Variants in CES5A observed in about 807,000 individuals in gnomAD.
CES5A encodes carboxylesterase 5.
Under a neutral mutation model 62.9 loss-of-function variants are expected in CES5A, and 67 were observed. That is an observed-to-expected ratio of 1.07 (90% CI 0.88 to 1.31). The LOEUF is 1.31. Ranked by LOEUF, CES5A falls within the 50% of genes most tolerant of loss-of-function variation. CES5A has a pLI of 0.00. For synonymous variants in CES5A, 296 were observed against 280.8 expected, an observed-to-expected ratio of 1.05 and a Z score of -0.54; for missense variants, 748 against 708.5, an observed-to-expected ratio of 1.06 and a Z score of -0.63.
At chr16:55,912,132 G>A (rs187430951) in intron 1 of CES5A, among the ~76,000 whole-genome samples, 102 of 152,116 alleles carry the variant, frequency 6.7e-4, no homozygotes, top group Non-Finnish European at 1.1e-3. Flanking sequence ...CCTGACTGTC[G>A]GCATGCAGGC....
chr16:55,932,714 G>A (rs1386566777), intron 2 of CES5A, among the ~76,000 whole-genome samples: 1 of 152,200 alleles, frequency 6.6e-6, no homozygotes. Context: ...CAAAAAGAAA[G>A]AGCTTGTTGA....
chr16:55,946,875 G>A (rs1387866796), intron 2 of CES5A, among the ~76,000 whole-genome samples: 1 of 152,180 alleles, frequency 6.6e-6, no homozygotes, highest in East Asian at 1.9e-4. Context: ...GCCAAGACGT[G>A]TTTCTCTTAT....
chr16:55,873,349 GCAC>G (rs2033631369), intron 2 of CES5A, among the ~76,000 whole-genome samples: 1 of 152,018 alleles, frequency 6.6e-6, no homozygotes, highest in African/African-American at 2.4e-5. Context: ...ATTGCATCAG[GCAC>G]CGTTTTGACA....
intron 3 of CES5A, among the ~76,000 whole-genome samples, chr16:55,871,405 A>G (rs561362510): frequency 6.6e-6 from 1 of 152,366 alleles, no homozygotes; most frequent in South Asian, 2.1e-4. Flanking sequence ...ACAAAACAAA[A>G]TAAAAATTAA....
At chr16:55,904,484 A>G (rs994244181) in intron 1 of CES5A, among the ~76,000 whole-genome samples, 8 of 152,156 alleles carry the variant, frequency 5.3e-5, no homozygotes, top group African/African-American at 9.7e-5. Context: ...CCAACTATAG[A>G]TTCACTCCGA....
At chr16:55,852,340 C>T (rs1481717795) in intron 10 of CES5A, among the ~76,000 whole-genome samples, 4 of 152,162 alleles carry the variant, frequency 2.6e-5, no homozygotes, top group Non-Finnish European at 4.4e-5. Flanking sequence ...GAAGAAGATA[C>T]TCTGCATGAT....
intron 1 of CES5A, among the ~76,000 whole-genome samples, chr16:55,895,672 A>T (rs1171514006): frequency 1.3e-5 from 2 of 152,210 alleles, no homozygotes; most frequent in East Asian, 3.8e-4. Context: ...GGATTTAAAA[A>T]TTTGCGCTAG....
chr16:55,949,217 G>A (rs759064217), intron 2 of CES5A, among the ~76,000 whole-genome samples: 10 of 149,416 alleles, frequency 6.7e-5, no homozygotes, highest in Non-Finnish European at 1.3e-4. Flanking sequence ...CACTGCCAGC[G>A]TAATGAAGGG....
At chr16:55,848,414 C>T (rs1408180233) in intron 11 of CES5A, among the ~76,000 whole-genome samples, 2 of 152,126 alleles carry the variant, frequency 1.3e-5, no homozygotes, top group South Asian at 2.1e-4. Context: ...CCACCATGCC[C>T]GGCCTTACAT....
At chr16:55,924,342 T>C (rs2034238297) in intron 1 of CES5A, among the ~76,000 whole-genome samples, 1 of 151,804 alleles carries the variant, frequency 6.6e-6, no homozygotes, top group East Asian at 1.9e-4. Context: ...GAATATAAAA[T>C]ACCTAGTAAT....
At chr16:55,869,963 AC>A (rs1230535778) in intron 3 of CES5A, among the ~76,000 whole-genome samples, 1 of 152,216 alleles carries the variant, frequency 6.6e-6, no homozygotes, top group Non-Finnish European at 1.5e-5. Context: ...TAGCTGTGTG[AC>A]CTTGGAAAGA....
At chr16:55,947,324 T>A (rs2034507317) in intron 2 of CES5A, among the ~76,000 whole-genome samples, 1 of 152,110 alleles carries the variant, frequency 6.6e-6, no homozygotes, top group South Asian at 2.1e-4. Context: ...TTATGGAAGG[T>A]CATTAGGCAA....
chr16:55,948,549 C>A lies in CES5A; in HGVS notation c.160+1236G>T, dbSNP rs551231590. Among the ~76,000 whole-genome samples, 4 of 152,030 alleles carry A rather than the reference C, an allele frequency of 2.6e-5. No homozygotes were observed. The South Asian group carries it at 8.3e-4, about 32-fold the overall frequency. Reference sequence around the variant, plus strand: ...TTTACATTGTCAGGGTGAGGGAGGCCCCCTGGGGAAATTTGTGGCCTTCTA... The same window carrying A: ...TTTACATTGTCAGGGTGAGGGAGGCACCCTGGGGAAATTTGTGGCCTTCTA... On this transcript the variant is annotated intron_variant, in intron 2 of 13. Coordinates refer to the CES5A transcript ENST00000521992.
At chr16:55,947,240 G>T (rs2034504792) in intron 2 of CES5A, among the ~76,000 whole-genome samples, 1 of 152,198 alleles carries the variant, frequency 6.6e-6, no homozygotes, top group South Asian at 2.1e-4. Context: ...CAAAAGATCA[G>T]ATGGAGAAGA....
chr16:55,849,133 A>G (rs538791723), intron 11 of CES5A, among the ~76,000 whole-genome samples: 2 of 152,330 alleles, frequency 1.3e-5, no homozygotes, highest in East Asian at 3.9e-4. Flanking sequence ...GGCACCAAAT[A>G]TGTCATAAAC....
intron 2 of CES5A, 24 bp downstream of exon 2, chr16:55,873,809 C>G (rs745909038): frequency 7.3e-5 from 117 of 1,598,604 alleles, no homozygotes; most frequent in Non-Finnish European, 9.8e-5. Context: ...CACAAACCAC[C>G]CGTGGGCCCG....
rs1457680656 is a variant in CES5A, at chr16:55,846,529, G to C, written c.1650C>G (p.Ser550=). ...TSTIPLILSA[S]DMLHSPLSSL... The stretch of plus-strand genomic sequence containing the variant: ...AAGAAAGAGGACTGTGGAGCATGTC[G>C]GAGGCAGACAGGATCAGGGGGATGG... The change falls in exon 13 of 13, where the codon TCC becomes TCG. Residue 550 remains serine, a synonymous_variant. Coordinates refer to ENST00000290567, the MANE Select transcript of CES5A (RefSeq NM_001143685.2). 2 of 1,614,138 alleles carry C rather than the reference G, an allele frequency of 1.2e-6. No homozygotes were observed. Among genetic ancestry groups the C allele is most frequent in the Non-Finnish European group, 1.7e-6 (2 of 1,180,020 alleles).
At chr16:55,941,722 A>G (rs1420293698) in intron 2 of CES5A, among the ~76,000 whole-genome samples, 12 of 152,100 alleles carry the variant, frequency 7.9e-5, no homozygotes, top group African/African-American at 2.9e-4. Flanking sequence ...ATGATTTCCT[A>G]TAAAGCTTCA....
intron 1 of CES5A, among the ~76,000 whole-genome samples, chr16:55,896,413 C>G (rs2033935074): frequency 6.6e-6 from 1 of 152,246 alleles, no homozygotes; most frequent in Non-Finnish European, 1.5e-5. Flanking sequence ...TACATGCCTG[C>G]TCCTTTTCCA....
Sources: gnomAD v4.1 joint callset for allele counts (sites outside exome capture counted in the v4.1 genomes callset) on GRCh38, gnomAD v4.1.1 for gene constraint, MANE v1.5 for transcripts, NCBI Gene and HGNC (gene_info 2026-07-23, HGNC 2026-07-21) for gene names.